HS6ST3: variants seen among roughly 807,000 people sequenced by gnomAD.
The protein encoded by HS6ST3 is heparan-sulfate 6-O-sulfotransferase 3.
A neutral mutation model predicts 36.7 loss-of-function variants in HS6ST3; 12 were observed. The observed-to-expected ratio is 0.33, with a 90% confidence interval of 0.21 to 0.53. HS6ST3 has a LOEUF of 0.53. HS6ST3 is among the 20% of genes least tolerant of loss of function. HS6ST3 has a pLI of 0.95. For missense variants in HS6ST3, 584 were observed against 640.9 expected, an observed-to-expected ratio of 0.91 and a Z score of 0.96; for synonymous variants, 240 against 257.5, an observed-to-expected ratio of 0.93 and a Z score of 0.65.
intron 1 of HS6ST3, among the ~76,000 whole-genome samples, chr13:96,560,166 G>A (rs895803571): frequency 2.0e-5 from 3 of 152,134 alleles, no homozygotes; most frequent in African/African-American, 7.2e-5. Flanking sequence ...GGCTTTGAGC[G>A]TGGGCCCCCT....
intron 1 of HS6ST3, among the ~76,000 whole-genome samples, chr13:96,362,807 A>G (rs1044166071): frequency 2.6e-5 from 4 of 152,252 alleles, no homozygotes; most frequent in African/African-American, 9.6e-5. Context: ...AATATCACTC[A>G]GTAATCAAAA....
chr13:96,787,986 C>T (rs1265754597), intron 1 of HS6ST3, among the ~76,000 whole-genome samples: 1 of 151,848 alleles, frequency 6.6e-6, no homozygotes, highest in Non-Finnish European at 1.5e-5. Context: ...TCCAATTACT[C>T]CAACACCATT....
At chr13:96,277,195 T>A (rs2054752503) in intron 1 of HS6ST3, among the ~76,000 whole-genome samples, 2 of 152,310 alleles carry the variant, frequency 1.3e-5, no homozygotes, top group South Asian at 4.1e-4. Context: ...TCTCCATATT[T>A]CAAGTTCCAT....
intron 1 of HS6ST3, among the ~76,000 whole-genome samples, chr13:96,514,779 G>T (rs2056065446): frequency 6.6e-6 from 1 of 152,152 alleles, no homozygotes. Flanking sequence ...CCTGAGTAAG[G>T]TGCCTTTTAT....
chr13:96,563,041 CAA>C (rs34175542), intron 1 of HS6ST3, among the ~76,000 whole-genome samples: 30 of 79,322 alleles, frequency 3.8e-4, no homozygotes, highest in Non-Finnish European at 4.6e-4. Context: ...GCAGAAATAG[CAA>C]AAAAAAAAAA....
At chr13:96,230,210 T>G (rs1372130527) in intron 1 of HS6ST3, among the ~76,000 whole-genome samples, 2 of 152,100 alleles carry the variant, frequency 1.3e-5, no homozygotes, top group African/African-American at 4.8e-5. Context: ...TTTTAGAGTG[T>G]AATGTTGAAG....
chr13:96,096,398 A>G (rs2053791241), intron 1 of HS6ST3, among the ~76,000 whole-genome samples: 1 of 152,236 alleles, frequency 6.6e-6, no homozygotes. Context: ...TGATGTTGTA[A>G]AAGGAATTTC....
At chr13:96,302,736 A>G (rs1300997339) in intron 1 of HS6ST3, among the ~76,000 whole-genome samples, 2 of 152,260 alleles carry the variant, frequency 1.3e-5, no homozygotes, top group Non-Finnish European at 2.9e-5. Flanking sequence ...AAGGATAATA[A>G]TATACGTATA....
chr13:96,156,771 G>C (rs575851496), intron 1 of HS6ST3, among the ~76,000 whole-genome samples: 3 of 152,134 alleles, frequency 2.0e-5, no homozygotes, highest in African/African-American at 7.2e-5. Context: ...TAAATAACTT[G>C]ATAAATCATA....
intron 1 of HS6ST3, among the ~76,000 whole-genome samples, chr13:96,743,732 G>C (rs1054928424): frequency 9.9e-5 from 15 of 151,906 alleles, no homozygotes; most frequent in Admixed American, 9.8e-4. Context: ...ATTTCAAGAG[G>C]GCTCTCTTGT....
chr13:96,128,506 C>T (rs1481418499), intron 1 of HS6ST3, among the ~76,000 whole-genome samples: 2 of 152,172 alleles, frequency 1.3e-5, no homozygotes, highest in African/African-American at 4.8e-5. Flanking sequence ...GTTGGCTCCT[C>T]AGGAAGGTGC....
intron 1 of HS6ST3, among the ~76,000 whole-genome samples, chr13:96,434,821 A>G (rs986881391): frequency 6.6e-6 from 1 of 151,970 alleles, no homozygotes; most frequent in Non-Finnish European, 1.5e-5. Context: ...TTCATTTTTT[A>G]TCCTCCTGCA....
intron 1 of HS6ST3, among the ~76,000 whole-genome samples, chr13:96,188,683 A>T (rs1028780787): frequency 3.3e-5 from 5 of 152,156 alleles, no homozygotes; most frequent in Non-Finnish European, 7.3e-5. Context: ...ATAAACTGGG[A>T]ATCATTGCAG....
chr13:96,602,108 C>T (rs901059009), intron 1 of HS6ST3, among the ~76,000 whole-genome samples: 1 of 152,182 alleles, frequency 6.6e-6, no homozygotes, highest in Non-Finnish European at 1.5e-5. Context: ...CAGGTAAAAA[C>T]CAGCTGTGGC....
chr13:96,304,372 G>A (rs560305859), intron 1 of HS6ST3, among the ~76,000 whole-genome samples: 4 of 152,018 alleles, frequency 2.6e-5, no homozygotes, highest in Non-Finnish European at 4.4e-5. Context: ...AATTAGACAC[G>A]TATTTGATTT....
At chr13:96,554,666 C>T (rs904696651) in intron 1 of HS6ST3, among the ~76,000 whole-genome samples, 25 of 152,170 alleles carry the variant, frequency 1.6e-4, no homozygotes, top group Admixed American at 1.3e-4. Context: ...CAGAAGCCCA[C>T]ACCTTCCTCC....
chr13:96,807,279 C>T lies in HS6ST3; in HGVS notation c.708-25211C>T, dbSNP rs181728058. Among the ~76,000 whole-genome samples, 263 of 152,278 alleles carry T rather than the reference C, an allele frequency of 1.7e-3. 1 individual carries two copies. The highest frequency in any genetic ancestry group is 5.2e-3 in the African/African-American group (218 of 41,554). On this transcript the variant is annotated intron_variant, in intron 1 of 1. Coordinates refer to ENST00000376705, the MANE Select transcript of HS6ST3 (RefSeq NM_153456.4). ...TAATTGAGTCACTGTCCTCCTGTTA[C>T]GGGTTAAATGCTGTCCCCTAAAAAT...
intron 1 of HS6ST3, among the ~76,000 whole-genome samples, chr13:96,283,071 C>G (rs749901985): frequency 6.6e-6 from 1 of 152,208 alleles, no homozygotes; most frequent in Non-Finnish European, 1.5e-5. Context: ...CTCCAAGCAT[C>G]TGCTATCCCA....
intron 1 of HS6ST3, among the ~76,000 whole-genome samples, chr13:96,360,867 A>T (rs1471473015): frequency 6.7e-6 from 1 of 150,154 alleles, no homozygotes; most frequent in Non-Finnish European, 1.5e-5. Flanking sequence ...AATACATTGA[A>T]CTTGGGAGGC....
Sources: gnomAD v4.1 joint callset for allele counts (sites outside exome capture counted in the v4.1 genomes callset) on GRCh38, gnomAD v4.1.1 for gene constraint, MANE v1.5 for transcripts, NCBI Gene and HGNC (gene_info 2026-07-23, HGNC 2026-07-21) for gene names.